NALCN: variants seen among roughly 807,000 people sequenced by gnomAD.
NALCN encodes sodium leak channel, non-selective, also known as sodium leak channel NALCN.
NALCN carries 111 observed loss-of-function variants against 225.3 expected under a neutral mutation model. The ratio of observed to expected loss-of-function variants is 0.49; its 90% confidence interval spans 0.42 to 0.58. The LOEUF is 0.58. Ranked by LOEUF, NALCN falls within the 20% of genes least tolerant of loss-of-function variation. The pLI is 0.00. For synonymous variants in NALCN, 764 were observed against 769.0 expected (o/e 0.99, Z 0.11); for missense variants, 1,378 against 2,202.4 (o/e 0.63, Z 7.49).
chr13:101,207,877 T>A (rs1184318918), intron 13 of NALCN, among the ~76,000 whole-genome samples: 2 of 152,308 alleles, frequency 1.3e-5, no homozygotes, highest in Non-Finnish European at 1.5e-5. Context: ...GCTCACTCTT[T>A]GGGTCCGCAC....
chr13:101,334,523 C>T (rs140696935), intron 7 of NALCN, among the ~76,000 whole-genome samples: 21 of 152,168 alleles, frequency 1.4e-4, no homozygotes, highest in Non-Finnish European at 2.5e-4. Context: ...GTACGGAATA[C>T]GAAATGCCTA....
chr13:101,107,591 T>C lies in NALCN; in HGVS notation c.2475A>G (p.Glu825=). ...CGAAGTATGGGTGGTTCTCTCTGAG[T>C]TCCTCTTCTTGCACTTTCCTTGAAG... is the stretch of plus-strand genomic sequence containing the variant. ...AEMKRKVQEE[E]LRENHPYFDK... The change falls in exon 22 of 44, where the codon GAA becomes GAG. Residue 825 remains glutamate (E), a synonymous_variant. Coordinates refer to ENST00000251127, the MANE Select transcript of NALCN (RefSeq NM_052867.4). The C allele has an allele frequency of 5.0e-6, 8 of 1,614,068 alleles. No homozygotes were observed. The highest frequency in any genetic ancestry group is 6.8e-6 in the Non-Finnish European group (8 of 1,179,958).
At position 101,103,255 on chromosome 13, in the gene NALCN, T is replaced by G; in HGVS notation, c.2974A>C (p.Arg992=). The change falls in exon 26 of 44, where the codon AGA becomes CGA. Residue 992 remains arginine (R), a synonymous_variant. Transcript: ENST00000251127. Reference sequence around the variant, plus strand: ...ACCAGTTTGAATATGCGCAGAGGTCTCAGGCACCGAAGGACCATTAGAAGC... The same window carrying G: ...ACCAGTTTGAATATGCGCAGAGGTCGCAGGCACCGAAGGACCATTAGAAGC... ...AQLLMVLRCL[R]PLRIFKLVPQ... The G allele has an allele frequency of 6.2e-7, 1 of 1,614,036 alleles. No individual in the cohort carries two copies. The highest frequency in any genetic ancestry group is 8.5e-7 in the Non-Finnish European group (1 of 1,179,918).
chr13:101,241,602 C>A (rs1162891630), intron 11 of NALCN, among the ~76,000 whole-genome samples: 1 of 152,072 alleles, frequency 6.6e-6, no homozygotes, highest in Non-Finnish European at 1.5e-5. Flanking sequence ...GCCACCATGC[C>A]TGGCTAATTT....
intron 2 of NALCN, among the ~76,000 whole-genome samples, chr13:101,398,466 C>A (rs909966984): frequency 3.9e-5 from 6 of 152,140 alleles, no homozygotes; most frequent in African/African-American, 1.4e-4. Flanking sequence ...AGGCTTAGTT[C>A]TGGTTACTAT....
At chr13:101,063,637 T>C (rs2032137682) in intron 40 of NALCN, among the ~76,000 whole-genome samples, 1 of 152,234 alleles carries the variant, frequency 6.6e-6, no homozygotes, top group Non-Finnish European at 1.5e-5. Flanking sequence ...TTCTGCTTTT[T>C]AGCTTGTTGG....
intron 2 of NALCN, among the ~76,000 whole-genome samples, chr13:101,397,040 C>G (rs1315051781): frequency 8.2e-6 from 1 of 122,162 alleles, no homozygotes. Flanking sequence ...CTTTGCAGTC[C>G]AAGAAGTAAA....
chr13:101,133,873 A>G (rs915737756), intron 17 of NALCN, among the ~76,000 whole-genome samples: 3 of 152,198 alleles, frequency 2.0e-5, no homozygotes, highest in Non-Finnish European at 2.9e-5. Context: ...TGATGGGTCA[A>G]GATTTCTTAT....
intron 39 of NALCN, among the ~76,000 whole-genome samples, chr13:101,066,911 A>G (rs9518295): frequency 0.11 from 16,837 of 152,086 alleles, 1,104 homozygotes; most frequent in South Asian, 0.18. Context: ...ATGAGGTCCC[A>G]CAGCACCCCT....
intron 10 of NALCN, among the ~76,000 whole-genome samples, chr13:101,283,187 G>A (rs2043224196): frequency 6.6e-6 from 1 of 152,122 alleles, no homozygotes; most frequent in Admixed American, 6.5e-5. Flanking sequence ...TGGAAAGTTA[G>A]GGGTGCTGCT....
intron 11 of NALCN, among the ~76,000 whole-genome samples, chr13:101,246,025 T>C (rs986986139): frequency 6.6e-6 from 1 of 152,172 alleles, no homozygotes; most frequent in Non-Finnish European, 1.5e-5. Flanking sequence ...GCCCTTGAGC[T>C]GCTGCTTGGG....
intron 6 of NALCN, among the ~76,000 whole-genome samples, chr13:101,360,231 C>G (rs865798944): frequency 1.4e-5 from 1 of 73,148 alleles, no homozygotes; most frequent in African/African-American, 3.5e-5. Flanking sequence ...TCTCTCTCTC[C>G]TTCCTTCCTT....
At chr13:101,238,329 CTAAT>C (rs2041638837) in intron 11 of NALCN, among the ~76,000 whole-genome samples, 1 of 151,716 alleles carries the variant, frequency 6.6e-6, no homozygotes, top group African/African-American at 2.4e-5. Context: ...TATTATTAAC[CTAAT>C]TAAACTAAAA....
chr13:101,203,062 T>A (rs1278761791), intron 13 of NALCN, among the ~76,000 whole-genome samples: 1 of 152,234 alleles, frequency 6.6e-6, no homozygotes. Flanking sequence ...ACTCGAAGAT[T>A]GTTTTGAAAA....
chr13:101,269,511 C>T (rs1179618252), intron 10 of NALCN, among the ~76,000 whole-genome samples: 2 of 152,136 alleles, frequency 1.3e-5, no homozygotes, highest in African/African-American at 4.8e-5. Flanking sequence ...GGTGTCTTAG[C>T]AAGGACTCCT....
chr13:101,326,412 TC>T (rs1411204452), intron 7 of NALCN, among the ~76,000 whole-genome samples: 1 of 152,194 alleles, frequency 6.6e-6, no homozygotes, highest in African/African-American at 2.4e-5. Flanking sequence ...TCCAAAACAT[TC>T]CTGATCTCAA....
At chr13:101,310,600 C>A (rs518657) in intron 7 of NALCN, among the ~76,000 whole-genome samples, 1 of 151,852 alleles carries the variant, frequency 6.6e-6, no homozygotes, top group Non-Finnish European at 1.5e-5. Flanking sequence ...CTTATTACTA[C>A]GTAGCATGCT....
chr13:101,381,400 A>G (rs956968707), intron 3 of NALCN, among the ~76,000 whole-genome samples: 1 of 152,172 alleles, frequency 6.6e-6, no homozygotes, highest in African/African-American at 2.4e-5. Flanking sequence ...GTTGTGTTAA[A>G]GATCTCACAG....
chr13:101,130,760 G>A (rs1267454668), intron 17 of NALCN, among the ~76,000 whole-genome samples: 2 of 152,062 alleles, frequency 1.3e-5, no homozygotes, highest in African/African-American at 4.8e-5. Flanking sequence ...TCTTATTTGG[G>A]CTAGATAATA....
Sources: gnomAD v4.1 joint callset for allele counts (sites outside exome capture counted in the v4.1 genomes callset) on GRCh38, gnomAD v4.1.1 for gene constraint, MANE v1.5 for transcripts, NCBI Gene and HGNC (gene_info 2026-07-23, HGNC 2026-07-21) for gene names.